The following PAQR3 variants were observed in gnomAD, a reference collection of about 807,000 sequenced individuals.
The protein encoded by PAQR3 is progestin and adipoQ receptor family member 3.
A neutral mutation model predicts 41.7 loss-of-function variants in PAQR3; 39 were observed. The observed-to-expected ratio is 0.93, with a 90% CI of 0.72 to 1.22. The LOEUF (loss-of-function observed/expected upper bound fraction) is 1.22. Among genes scored for constraint, PAQR3 ranks in the 50% most tolerant of loss-of-function variants. The pLI is 0.00. For missense variants in PAQR3, 366 were observed against 385.6 expected (o/e 0.95, Z 0.42); for synonymous variants, 140 against 140.6 (o/e 1.00, Z 0.03).
rs771851629 is a variant in PAQR3 at position 78,930,169 on chromosome 4, C to T, written c.504+1G>A. 2.1e-4 allele frequency: 336 copies of T among 1,606,072 alleles called. No individual in the cohort carries two copies. The highest frequency in any genetic ancestry group is 2.8e-4 in the Non-Finnish European group (329 of 1,177,454). On this transcript the variant is annotated splice_donor_variant, in intron 3 of 5. Transcript: ENST00000512733. LOFTEE classifies it high-confidence loss of function. ...AATGTAAAATGTTTTCATCTACTTA[C>T]GTTATTACAATAAAATGCGTAAAAT...
At position 78,918,050 on chromosome 4, in the gene PAQR3, T is replaced by A. The variant is rs531946692; in HGVS notation, c.*2489A>T. 6.1e-6 allele frequency: 6 copies of A among 980,294 alleles called. No homozygotes were observed. In the South Asian group the frequency reaches 2.8e-4, roughly 46 times the overall value. The allele number at this position is 980,294 out of a possible 1,614,324, so 60.7% of individuals were successfully genotyped here. Reference sequence around the variant, plus strand: ...CAAGCACTGTCTTGCTATTTGAAAATGGCTTAATATAGAAAGATAATTGTT... The same window carrying A: ...CAAGCACTGTCTTGCTATTTGAAAAAGGCTTAATATAGAAAGATAATTGTT... On this transcript the variant is annotated 3_prime_UTR_variant, in exon 6 of 6. Transcript: ENST00000512733.
Position 78,923,876 on chromosome 4 carries a change from GAC to G in PAQR3, c.772_773del (p.Val258ProfsTer43). 1 of 1,611,804 alleles carries G rather than the reference GAC, an allele frequency of 6.2e-7. No individual in the cohort carries two copies. The highest frequency in any genetic ancestry group is 1.1e-5 in the South Asian group (1 of 91,026). On this transcript the variant is annotated frameshift_variant, in exon 5 of 6. Coordinates refer to ENST00000512733, the MANE Select transcript of PAQR3 (RefSeq NM_001040202.2). LOFTEE classifies it high-confidence loss of function. ...ACCTACCTGGAAAGTACCGCTCTGGGACTTTGGAAATGTAGAATAGGAAAGCA... is the reference window on the plus strand; with the variant it reads ...ACCTACCTGGAAAGTACCGCTCTGGGTTTGGAAATGTAGAATAGGAAAGCA... ...LLAFLFYISKVPERYFPGQLN... is the reference protein window; with the variant it reads ...LLAFLFYISKXPERYFPGQLN...
At position 78,933,464 on chromosome 4, in the gene PAQR3, T is replaced by C. The variant is rs143924746; in HGVS notation, c.348+1657A>G. ...GAGAAAAATGTTATGTCTTTTAATA[T>C]TAAATGTAAATCAATATTAATAAAT... On this transcript the variant is annotated intron_variant, in intron 2 of 5. Coordinates refer to ENST00000512733, the MANE Select transcript of PAQR3 (RefSeq NM_001040202.2). Among the ~76,000 whole-genome samples, 56 of 152,290 alleles carry C rather than the reference T, an allele frequency of 3.7e-4. 1 individual carries two copies. In the East Asian group the frequency reaches 6.9e-3, roughly 19 times the overall value.
Position 78,900,552 on chromosome 4 carries a change from G to GTGA in PAQR3, c.*836+5553_*836+5555dup, listed in dbSNP as rs760399367. On this transcript the variant is annotated intron_variant and NMD_transcript_variant, in intron 11 of 12. Coordinates refer to the PAQR3 transcript ENST00000342820. Reference sequence around the variant, plus strand: ...ACTGGGAATAGCTGTAAATAGGTTTGTGATAGGGAATTAAGGATAATTCAT... The same window carrying GTGA: ...ACTGGGAATAGCTGTAAATAGGTTTGTGATGATAGGGAATTAAGGATAATTCAT... 2.6e-4 allele frequency among the ~76,000 whole-genome samples: 39 copies of GTGA among 152,320 alleles called. No individual in the cohort carries two copies. The South Asian group carries it at 3.1e-3, about 12-fold the overall frequency.
In PAQR3 at chr4:78,901,347, C is replaced by T. The variant is rs189207766; in HGVS notation, c.*836+4761G>A. On this transcript the variant is annotated intron_variant and NMD_transcript_variant, in intron 11 of 12. Coordinates refer to the PAQR3 transcript ENST00000342820. The stretch of plus-strand genomic sequence containing the variant: ...AAGTGCTGGGATTACAGGCAAGAGC[C>T]ATTGTGCCCAGCCCAAACTTCTTGT... 2.1e-3 allele frequency among the ~76,000 whole-genome samples: 321 copies of T among 152,194 alleles called. 1 individual carries two copies. The highest frequency in any genetic ancestry group is 7.1e-3 in the African/African-American group (294 of 41,534).
At chr4:78,921,516 G>A (rs1311142018) in intron 5 of PAQR3, 1 of 243,816 alleles carries the variant, frequency 4.1e-6, no homozygotes, top group African/African-American at 2.3e-5. Context: ...GGACGCCTCT[G>A]GCAGTCTAGT....
chr4:78,937,825 CAGA>C (rs760766296), intron 1 of PAQR3, among the ~76,000 whole-genome samples: 2 of 152,228 alleles, frequency 1.3e-5, no homozygotes, highest in African/African-American at 2.4e-5. Context: ...CATCAGAACG[CAGA>C]AGACCACTGC....
At chr4:78,908,120 T>C (rs1004240796), downstream of PAQR3, among the ~76,000 whole-genome samples, 1 of 152,148 alleles carries the variant, frequency 6.6e-6, no homozygotes, top group African/African-American at 2.4e-5. Flanking sequence ...TCTGGAAGGA[T>C]AACAAATACA....
Position 78,926,561 on chromosome 4 carries a change from C to G in PAQR3, c.662G>C (p.Trp221Ser). Residue 221 changes from tryptophan (W) to serine (S), a missense_variant, in exon 4 of 6, where the codon TGG becomes TCG. Trp to Ser is a radical substitution (Grantham distance 177, BLOSUM62 -3). Coordinates refer to ENST00000512733, the MANE Select transcript of PAQR3 (RefSeq NM_001040202.2). ...SGYGVIPTLH[W>S]VWLNGGIGAP... ...ACCAATTCCTCCATTGAGCCAAACCCAGTGAAGAGTAGGAATCACTCCATA... is the reference window on the plus strand; with the variant it reads ...ACCAATTCCTCCATTGAGCCAAACCGAGTGAAGAGTAGGAATCACTCCATA... 6.2e-7 allele frequency: 1 copy of G among 1,613,874 alleles called. No individual in the cohort carries two copies. The highest frequency in any genetic ancestry group is 2.2e-5 in the East Asian group (1 of 44,876).
At position 78,887,251 on chromosome 4, in the gene PAQR3, C is replaced by G. The variant is rs947416693; in HGVS notation, c.*983G>C. 4.3e-6 allele frequency: 7 copies of G among 1,610,486 alleles called. No homozygotes were observed. The Admixed American group carries it at 1.2e-4, about 27-fold the overall frequency. Reference sequence around the variant, plus strand: ...TCCACATAACCATCCTCCAGAAGATCCTTTTGGTTCTGTTCCTTTCATTTC... The same window carrying G: ...TCCACATAACCATCCTCCAGAAGATGCTTTTGGTTCTGTTCCTTTCATTTC... On this transcript the variant is annotated 3_prime_UTR_variant and NMD_transcript_variant, in exon 13 of 13. Coordinates refer to the PAQR3 transcript ENST00000342820.
chr4:78,887,904 G>C (rs1451531546), intron 12 of PAQR3, among the ~76,000 whole-genome samples: 3 of 152,150 alleles, frequency 2.0e-5, no homozygotes, highest in Non-Finnish European at 4.4e-5. Context: ...AAATATGTTA[G>C]AAGAAGTTAT....
chr4:78,908,409 T>C (rs534483436), downstream of PAQR3, among the ~76,000 whole-genome samples: 1 of 152,348 alleles, frequency 6.6e-6, no homozygotes, highest in East Asian at 1.9e-4. Context: ...AGCTGTTTTC[T>C]TCCTCCTCTC....
At chr4:78,911,235 T>C, downstream of PAQR3, 1 of 1,613,996 alleles carries the variant, frequency 6.2e-7, no homozygotes, top group Non-Finnish European at 8.5e-7. Flanking sequence ...AGGAATTTGA[T>C]GTATTCACAA....
chr4:78,938,403 T>G (rs896196630), intron 1 of PAQR3, among the ~76,000 whole-genome samples: 1 of 152,216 alleles, frequency 6.6e-6, no homozygotes, highest in Non-Finnish European at 1.5e-5. Context: ...GGTGCTCTAG[T>G]GGAGACTGGG....
At chr4:78,926,828 G>T in intron 3 of PAQR3, 110 bp from the exon 4 acceptor site, 1 of 918,052 alleles carries the variant, frequency 1.1e-6, no homozygotes, top group Non-Finnish European at 1.7e-6. Flanking sequence ...CTTGGTATTT[G>T]CATTTCAAAA....
chr4:78,911,808 C>G (rs1301065641), downstream of PAQR3: 1 of 1,613,968 alleles, frequency 6.2e-7, no homozygotes, highest in Non-Finnish European at 8.5e-7. Flanking sequence ...CACATCAGGG[C>G]CTGAGCGACA....
chr4:78,933,604 T>G (rs1187542687), intron 2 of PAQR3, among the ~76,000 whole-genome samples: 1 of 152,228 alleles, frequency 6.6e-6, no homozygotes, highest in Non-Finnish European at 1.5e-5. Context: ...TGCTCATCTG[T>G]CTTTAGTAAG....
intron 4 of PAQR3, among the ~76,000 whole-genome samples, chr4:78,925,338 G>C (rs1174784181): frequency 8.4e-6 from 1 of 119,226 alleles, no homozygotes; most frequent in African/African-American, 3.1e-5. Flanking sequence ...TTTATCTACA[G>C]TGGCAGTTCC....
At chr4:78,901,833 T>C (rs992082107) in intron 11 of PAQR3, among the ~76,000 whole-genome samples, 4 of 152,184 alleles carry the variant, frequency 2.6e-5, no homozygotes, top group African/African-American at 7.2e-5. Context: ...ATTAATTAGG[T>C]CACTGAAGTT....
Sources: allele counts gnomAD v4.1 joint callset (sites outside exome capture counted in the v4.1 genomes callset), GRCh38; gene constraint gnomAD v4.1.1; transcripts MANE v1.5; gene names NCBI Gene and HGNC (gene_info 2026-07-23, HGNC 2026-07-21).